HHLA1: variants seen among roughly 807,000 people sequenced by gnomAD.
HHLA1 encodes HERV-H LTR-associating protein 1.
In HHLA1, 72 loss-of-function variants were observed where a neutral mutation model predicts 69.9. The observed-to-expected ratio is 1.03, with a 90% confidence interval of 0.85 to 1.25. The LOEUF is 1.25. Among genes scored for constraint, HHLA1 ranks in the 50% most tolerant of loss-of-function variants. The pLI is 0.00. For synonymous variants in HHLA1, 252 were observed against 233.2 expected, an observed-to-expected ratio of 1.08 and a Z score of -0.73; for missense variants, 685 against 642.2, an observed-to-expected ratio of 1.07 and a Z score of -0.72.
At chr8:132,092,894 A>C (rs1027981719) in intron 7 of HHLA1, among the ~76,000 whole-genome samples, 2 of 152,248 alleles carry the variant, frequency 1.3e-5, no homozygotes, top group African/African-American at 4.8e-5. Flanking sequence ...TATGAAAGGC[A>C]AAGCAACAAG....
At chr8:132,091,491 C>T (rs1823944837) in intron 7 of HHLA1, among the ~76,000 whole-genome samples, 1 of 152,238 alleles carries the variant, frequency 6.6e-6, no homozygotes, top group Non-Finnish European at 1.5e-5. Context: ...CATGAAACCT[C>T]TTGCTCAATG....
intron 10 of HHLA1, among the ~76,000 whole-genome samples, chr8:132,081,429 G>T (rs1342393720): frequency 2.0e-5 from 3 of 152,152 alleles, no homozygotes; most frequent in Non-Finnish European, 2.9e-5. Context: ...GCTTGGTGAG[G>T]TGTGTTTTTA....
At chr8:132,079,460 G>A (rs116401403) in intron 11 of HHLA1, among the ~76,000 whole-genome samples, 2,705 of 152,300 alleles carry the variant, frequency 0.018, 80 homozygotes, top group African/African-American at 0.058. Context: ...GCAAGTCTTC[G>A]TGAGTCTTAA....
At chr8:132,064,168 T>G (rs1252791762) in intron 16 of HHLA1, 130 bp from the exon 17 acceptor site, 2 of 330,068 alleles carry the variant, frequency 6.1e-6, no homozygotes, top group Non-Finnish European at 1.1e-5. Context: ...GGCAGTGCAC[T>G]GGACAGGGGT....
chr8:132,087,976 T>A, intron 8 of HHLA1, 75 bp from the exon 9 acceptor site: 1 of 1,177,420 alleles, frequency 8.5e-7, no homozygotes. Flanking sequence ...AAATGAAAAT[T>A]AAGTTGAAAG....
intron 2 of HHLA1, 54 bp from the exon 3 acceptor site, chr8:132,104,221 G>A: frequency 1.5e-6 from 2 of 1,292,926 alleles, no homozygotes; most frequent in Non-Finnish European, 1.1e-6. Flanking sequence ...TAATACCGGA[G>A]ATAATTTGAT....
At chr8:132,110,286 A>G (rs2130904503) in intron 1 of HHLA1, among the ~76,000 whole-genome samples, 1 of 152,238 alleles carries the variant, frequency 6.6e-6, no homozygotes, top group Non-Finnish European at 1.5e-5. Context: ...CCTTCCATAT[A>G]GATATCAGCT....
At chr8:132,098,696 A>T (rs1214721070) in intron 5 of HHLA1, among the ~76,000 whole-genome samples, 186 bp downstream of exon 5, 1 of 152,010 alleles carries the variant, frequency 6.6e-6, no homozygotes, top group Non-Finnish European at 1.5e-5. Context: ...TCCTGAGCTC[A>T]AGCAGCTTCC....
chr8:132,070,470 T>A, intron 15 of HHLA1: 1 of 678,954 alleles, frequency 1.5e-6, no homozygotes, highest in South Asian at 1.6e-5. Flanking sequence ...CCACTCAAGA[T>A]CCTCTGCCAT....
intron 7 of HHLA1, among the ~76,000 whole-genome samples, chr8:132,090,965 T>C (rs1823937705): frequency 6.6e-6 from 1 of 152,108 alleles, no homozygotes; most frequent in South Asian, 2.1e-4. Context: ...TTCACCGTGT[T>C]AGCCAGGATG....
intron 15 of HHLA1, chr8:132,069,963 C>T (rs928495169): frequency 7.0e-6 from 1 of 142,022 alleles, no homozygotes; most frequent in East Asian, 1.9e-4. Context: ...TTTGGGTCTA[C>T]AGGTCTTGCT....
intron 8 of HHLA1, 93 bp from the exon 9 acceptor site, chr8:132,087,994 C>G: frequency 1.1e-6 from 1 of 930,732 alleles, no homozygotes; most frequent in Non-Finnish European, 1.7e-6. Flanking sequence ...AAGTACCTAA[C>G]TTAGGATAAT....
At chr8:132,095,219 A>G (rs951111950) in intron 7 of HHLA1, among the ~76,000 whole-genome samples, 43 of 152,176 alleles carry the variant, frequency 2.8e-4, no homozygotes, top group Non-Finnish European at 5.4e-4. Context: ...TCATTTATGT[A>G]TTATCTGTGG....
chr8:132,098,223 G>A (rs548403177), intron 5 of HHLA1, among the ~76,000 whole-genome samples: 3 of 152,220 alleles, frequency 2.0e-5, no homozygotes, highest in Non-Finnish European at 4.4e-5. Context: ...CTAAGTATGT[G>A]TTACATACAA....
At chr8:132,100,770 G>C (rs1824099407) in intron 3 of HHLA1, among the ~76,000 whole-genome samples, 1 of 152,188 alleles carries the variant, frequency 6.6e-6, no homozygotes, top group East Asian at 1.9e-4. Context: ...CAAGAGAGGA[G>C]TGTCAACACG....
chr8:132,080,211 C>T (rs1328441575), intron 10 of HHLA1: 2 of 611,618 alleles, frequency 3.3e-6, no homozygotes, highest in South Asian at 3.1e-5. Context: ...TAGTCTCCTC[C>T]ATATGCCTTA....
chr8:132,090,309 TC>T (rs1823927324), intron 7 of HHLA1, among the ~76,000 whole-genome samples: 1 of 152,186 alleles, frequency 6.6e-6, no homozygotes, highest in South Asian at 2.1e-4. Flanking sequence ...ACAGCTGTCA[TC>T]TCCTTCTTTG....
At chr8:132,106,471 C>T (rs1441196192) in intron 1 of HHLA1, among the ~76,000 whole-genome samples, 1 of 152,206 alleles carries the variant, frequency 6.6e-6, no homozygotes, top group East Asian at 1.9e-4. Flanking sequence ...TCGTGGAATT[C>T]ACCTATTCTC....
chr8:132,103,232 A>C (rs72715379), intron 3 of HHLA1, among the ~76,000 whole-genome samples: 7,902 of 152,300 alleles, frequency 0.052, 276 homozygotes, highest in Non-Finnish European at 0.079. Context: ...CAGGAAAGGG[A>C]AGCTGTTGGC....
Sources: gnomAD v4.1 joint callset for allele counts (sites outside exome capture counted in the v4.1 genomes callset) on GRCh38, gnomAD v4.1.1 for gene constraint, MANE v1.5 for transcripts, NCBI Gene and HGNC (gene_info 2026-07-23, HGNC 2026-07-21) for gene names.